The following ZFYVE16 variants were observed in gnomAD, a reference collection of about 807,000 sequenced individuals.
ZFYVE16 encodes the protein zinc finger FYVE domain-containing protein 16.
A neutral mutation model predicts 138.1 loss-of-function variants in ZFYVE16; 89 were observed. The ratio of observed to expected loss-of-function variants is 0.64; its 90% CI spans 0.54 to 0.77. The LOEUF is 0.77. Ranked by LOEUF, ZFYVE16 falls within the 30% of genes least tolerant of loss-of-function variation. The pLI, the probability that ZFYVE16 is intolerant of heterozygous loss-of-function variation, is 0.00. For synonymous variants in ZFYVE16, 596 were observed against 618.3 expected, an observed-to-expected ratio of 0.96 and a Z score of 0.53; for missense variants, 1,793 against 1,786.7, an observed-to-expected ratio of 1.00 and a Z score of -0.06.
At chr5:80,461,877 C>G (rs1753158029) in intron 15 of ZFYVE16, among the ~76,000 whole-genome samples, 1 of 151,968 alleles carries the variant, frequency 6.6e-6, no homozygotes, top group Non-Finnish European at 1.5e-5. Context: ...GAGGCTGAGT[C>G]AAGAGAATGG....
intron 7 of ZFYVE16, among the ~76,000 whole-genome samples, chr5:80,447,637 T>TCCC (rs952721122): frequency 2.0e-5 from 3 of 152,168 alleles, no homozygotes; most frequent in Admixed American, 2.0e-4. Context: ...TCCTGCCTTG[T>TCCC]CCCTCCTCCC....
chr5:80,466,593 G>A (rs1192068854), intron 15 of ZFYVE16, among the ~76,000 whole-genome samples: 5 of 152,022 alleles, frequency 3.3e-5, no homozygotes, highest in Non-Finnish European at 5.9e-5. Flanking sequence ...TAATGTCTTT[G>A]TTTCCTTAGG....
chr5:80,415,761 G>C (rs560852546), intron 1 of ZFYVE16, among the ~76,000 whole-genome samples: 1 of 151,938 alleles, frequency 6.6e-6, no homozygotes, highest in Non-Finnish European at 1.5e-5. Context: ...TCTGCCTACC[G>C]GGTTCAAGCG....
chr5:80,479,625 T>C lies in ZFYVE16; in HGVS notation c.*2248T>C, dbSNP rs1755190577. The stretch of plus-strand genomic sequence containing the variant: ...ATTGCATGCTAGGATATTTACATCA[T>C]GTTCCTGTTGAAAACAATTCCTGAT... On this transcript the variant is annotated 3_prime_UTR_variant, in exon 19 of 19. Transcript: ENST00000505560. Among the ~76,000 whole-genome samples the C allele has an allele frequency of 6.6e-6, 1 of 152,326 alleles. No homozygotes were observed. Among genetic ancestry groups the C allele is most frequent in the East Asian group, 1.9e-4 (1 of 5,190 alleles).
intron 6 of ZFYVE16, among the ~76,000 whole-genome samples, chr5:80,444,123 CATAAGT>C (rs1751029439): frequency 6.6e-6 from 1 of 152,088 alleles, no homozygotes; most frequent in Non-Finnish European, 1.5e-5. Context: ...AGAAAAGAAT[CATAAGT>C]ATCAGTTAAA....
intron 1 of ZFYVE16, among the ~76,000 whole-genome samples, chr5:80,413,637 A>G (rs1177395292): frequency 6.6e-6 from 1 of 152,300 alleles, no homozygotes; most frequent in South Asian, 2.1e-4. Context: ...TAATTCTCCC[A>G]AAGAGGGTAG....
In ZFYVE16 at chr5:80,479,986, C is replaced by A. The variant is rs1032479070; in HGVS notation, c.*2609C>A. Among the ~76,000 whole-genome samples the A allele has an allele frequency of 3.9e-5, 6 of 152,280 alleles. No individual in the cohort carries two copies. In the South Asian group the frequency reaches 1.2e-3, roughly 32 times the overall value. ...CTGAGCTTCCTTTAAGGTGTTCCCA[C>A]ACTAGTAATGCCTCCAGGTGACAGA... On this transcript the variant is annotated 3_prime_UTR_variant, in exon 19 of 19. Coordinates refer to ENST00000505560, the MANE Select transcript of ZFYVE16 (RefSeq NM_001284236.3).
intron 15 of ZFYVE16, among the ~76,000 whole-genome samples, chr5:80,467,162 C>T (rs1753831850): frequency 6.6e-6 from 1 of 152,204 alleles, no homozygotes; most frequent in Non-Finnish European, 1.5e-5. Flanking sequence ...AATGATTATG[C>T]ATACAGCAAG....
intron 3 of ZFYVE16, chr5:80,435,948 G>A (rs1442854631): frequency 5.1e-6 from 1 of 196,478 alleles, no homozygotes; most frequent in Non-Finnish European, 1.1e-5. Flanking sequence ...AATCCAGGAA[G>A]TAATTTAAAG....
Position 80,477,202 on chromosome 5 carries a change from A to ATT in ZFYVE16, c.4462-6_4462-5dup. On this transcript the variant is annotated splice_polypyrimidine_tract_variant and intron_variant, in intron 18 of 18. Coordinates refer to ENST00000505560, the MANE Select transcript of ZFYVE16 (RefSeq NM_001284236.3). ...AAGATTGCTCATTTTCTTATCAAGA[A>ATT]TTTTTTTTTTTTCTAGGTTGAATTT... 11 of 1,523,508 alleles carry ATT rather than the reference A, an allele frequency of 7.2e-6. No homozygotes were observed. The highest frequency in any genetic ancestry group is 5.1e-5 in the South Asian group (4 of 78,988). 94.4% of individuals were successfully genotyped at this position (1,523,508 alleles called of 1,614,324 possible).
rs1425684613 is a variant in ZFYVE16 at position 80,443,175 on chromosome 5, T to A, written c.2472T>A (p.Asn824Lys). 1 of 1,602,446 alleles carries A rather than the reference T, an allele frequency of 6.2e-7. No individual in the cohort carries two copies. The highest frequency in any genetic ancestry group is 8.5e-7 in the Non-Finnish European group (1 of 1,177,230). ...CAACTGGTTCTAATCTTAAGTCTAA[T>A]CATTCTGATGAATGTACTACTGTCC... is the stretch of plus-strand genomic sequence containing the variant. ...MSPTGSNLKS[N>K]HSDECTTVQP... The change falls in exon 6 of 19, where the codon AAT becomes AAA. Residue 824 changes from asparagine (N) to lysine (K), a missense_variant. Transcript: ENST00000505560.
In ZFYVE16 at chr5:80,438,747, A is replaced by G; in HGVS notation, c.2062A>G (p.Thr688Ala). ...PSTADTVVPI[T>A]CAIDSTADPQ... ...CACAGCAGATACCGTTGTTCCAATCACTTGTGCTATAGATTCTACAGCTGA... is the reference window on the plus strand; with the variant it reads ...CACAGCAGATACCGTTGTTCCAATCGCTTGTGCTATAGATTCTACAGCTGA... Residue 688 changes from threonine (T) to alanine (A), a missense_variant, in exon 4 of 19, where the codon ACT (threonine) becomes GCT (alanine). Physicochemically the swap from Thr to Ala is moderately conservative, Grantham distance 58. Around this residue, in one of 2 missense-constraint regions of ZFYVE16, gnomAD observed 1,295 missense variants for 1,204.3 expected, o/e 1.08. Coordinates refer to ENST00000505560, the MANE Select transcript of ZFYVE16 (RefSeq NM_001284236.3). The G allele has an allele frequency of 6.2e-7, 1 of 1,614,142 alleles. No homozygotes were observed. The highest frequency in any genetic ancestry group is 8.5e-7 in the Non-Finnish European group (1 of 1,179,992).
At chr5:80,445,661 A>G (rs958877488) in intron 7 of ZFYVE16, among the ~76,000 whole-genome samples, 1 of 151,896 alleles carries the variant, frequency 6.6e-6, no homozygotes, top group Admixed American at 6.6e-5. Flanking sequence ...CCTGGGCTCA[A>G]GTGATGCTTC....
chr5:80,470,064 C>CGTGT (rs369109701), intron 15 of ZFYVE16, among the ~76,000 whole-genome samples: 946 of 59,498 alleles, frequency 0.016, 22 homozygotes, highest in Non-Finnish European at 0.018. Context: ...TGTATATATA[C>CGTGT]GTGTGTGTGT....
chr5:80,438,614 T>C lies in ZFYVE16; in HGVS notation c.1929T>C (p.Ser643=), dbSNP rs865903353. The change falls in exon 4 of 19, where the codon TCT becomes TCC. Residue 643 remains serine (S), a synonymous_variant. Transcript: ENST00000505560. ...CGGTCTCTGATATTAACAGTCAATC[T>C]GTTGGAGGGGCCAGACCTAAGCAAT... is the stretch of plus-strand genomic sequence containing the variant. ...QLSVSDINSQ[S]VGGARPKQLF... 6.2e-7 allele frequency: 1 copy of C among 1,614,146 alleles called. No homozygotes were observed. Among genetic ancestry groups the C allele is most frequent in the Non-Finnish European group, 8.5e-7 (1 of 1,179,990 alleles).
chr5:80,441,782 A>T (rs1236140979), intron 5 of ZFYVE16: 2 of 985,308 alleles, frequency 2.0e-6, no homozygotes, highest in Non-Finnish European at 2.4e-6. Context: ...AAGCCATTTT[A>T]TGAGTGCCAT....
chr5:80,438,566 G>A lies in ZFYVE16; in HGVS notation c.1881G>A (p.Lys627=), dbSNP rs1750272235. ...IPVQQGLPTS[K]SEITNQLSVS... ...TTCAACAAGGGTTACCTACCAGTAA[G>A]TCTGAGATTACAAATCAATTATCGG... Residue 627 remains lysine, a synonymous_variant, in exon 4 of 19, where the codon AAG becomes AAA. Transcript: ENST00000505560. 6.2e-7 allele frequency: 1 copy of A among 1,614,006 alleles called. No individual in the cohort carries two copies. Among genetic ancestry groups the A allele is most frequent in the African/African-American group, 1.3e-5 (1 of 74,934 alleles).
At chr5:80,474,936 G>T (rs1754747924) in intron 18 of ZFYVE16, 106 bp downstream of exon 18, 2 of 1,212,662 alleles carry the variant, frequency 1.6e-6, no homozygotes, top group Non-Finnish European at 2.3e-6. Flanking sequence ...AATTTGTTGA[G>T]CATCAAATGT....
chr5:80,422,113 A>G (rs1409233333), intron 1 of ZFYVE16, among the ~76,000 whole-genome samples: 5 of 152,160 alleles, frequency 3.3e-5, no homozygotes, highest in African/African-American at 4.8e-5. Flanking sequence ...TTATTGGTGT[A>G]TAAGAATGCT....
Sources: allele counts gnomAD v4.1 joint callset (sites outside exome capture counted in the v4.1 genomes callset), GRCh38; gene constraint gnomAD v4.1.1; regional missense constraint gnomAD v4.1.1; transcripts MANE v1.5; gene names NCBI Gene and HGNC (gene_info 2026-07-23, HGNC 2026-07-21).